FADS3: variants seen among roughly 807,000 people sequenced by gnomAD.
The protein encoded by FADS3 is fatty acid desaturase 3, also known as cytochrome b5-related protein.
In FADS3, 30 loss-of-function variants were observed where a neutral mutation model predicts 60.4. The ratio of observed to expected loss-of-function variants is 0.50; its 90% CI spans 0.37 to 0.67. The LOEUF (loss-of-function observed/expected upper bound fraction) is 0.67, where lower values mean the gene tolerates loss of function less well. Ranked by LOEUF, FADS3 falls within the 30% of genes least tolerant of loss-of-function variation. FADS3 has a pLI of 0.00. For synonymous variants in FADS3, 234 were observed against 249.3 expected (o/e 0.94, Z 0.58); for missense variants, 432 against 598.3 (o/e 0.72, Z 2.90).
At position 61,877,327 on chromosome 11, in the gene FADS3, C is replaced by T. The variant is rs996806528; in HGVS notation, c.885+184G>A. On this transcript the variant is annotated intron_variant, in intron 7 of 11. Transcript: ENST00000278829. This position sits in a 1 kb window ranked among gnomAD's most constrained non-coding sequence, Gnocchi z 4.7. ...CCCCCCCCCACCACACGTACAGTCA[C>T]GGGCACACTCGCTCTCCTGCTGCGC... 3.3e-5 allele frequency: 12 copies of T among 359,328 alleles called. No homozygotes were observed. Among genetic ancestry groups the T allele is most frequent in the African/African-American group, 1.1e-4 (5 of 44,438 alleles). The allele number at this position is 359,328 out of a possible 1,614,324, so 22.3% of individuals were successfully genotyped here. A position where few individuals can be genotyped will look rare whatever the true frequency, so the allele number is the denominator to read the frequency against.
chr11:61,874,641 G>A (rs1306670505), intron 11 of FADS3, among the ~76,000 whole-genome samples: 5 of 152,182 alleles, frequency 3.3e-5, no homozygotes, highest in African/African-American at 7.2e-5. Flanking sequence ...TGCCTGCCTC[G>A]GCTATCTATG....
chr11:61,885,448 C>T (rs1938282058), intron 1 of FADS3, among the ~76,000 whole-genome samples: 1 of 152,230 alleles, frequency 6.6e-6, no homozygotes, highest in Non-Finnish European at 1.5e-5. Context: ...GCAAGAGCTC[C>T]ACAGCCCAGC....
Position 61,876,196 on chromosome 11 carries a change from G to A in FADS3, c.1081-6C>T, listed in dbSNP as rs372397028. 5.5e-5 allele frequency: 88 copies of A among 1,593,040 alleles called. 1 individual carries two copies. The African/African-American group carries it at 7.4e-4, about 13-fold the overall frequency. ...ACGTTGCAGGTGGCTGCCAGCTGCC[G>A]GAAGCCGGCGGGGCACATGTGAGGA... On this transcript the variant is annotated splice_region_variant and splice_polypyrimidine_tract_variant and intron_variant, in intron 9 of 11. Coordinates refer to ENST00000278829, the MANE Select transcript of FADS3 (RefSeq NM_021727.5). The surrounding 1 kb of genome is among the most constrained non-coding windows in gnomAD (Gnocchi z 5.7).
Position 61,877,139 on chromosome 11 carries a change from T to C in FADS3, c.886-176A>G. On this transcript the variant is annotated intron_variant, in intron 7 of 11. Transcript: ENST00000278829. This position sits in a 1 kb window ranked among gnomAD's most constrained non-coding sequence, Gnocchi z 4.7. Reference sequence around the variant, plus strand: ...CAGCTGAGTAAAGGAACAGGGTCCTTGCCCTGCCAGCTCACGAGGCTGATT... The same window carrying C: ...CAGCTGAGTAAAGGAACAGGGTCCTCGCCCTGCCAGCTCACGAGGCTGATT... 3.5e-6 allele frequency: 2 copies of C among 567,616 alleles called. No individual in the cohort carries two copies. Among genetic ancestry groups the C allele is most frequent in the Non-Finnish European group, 6.3e-6 (2 of 318,648 alleles). 35.2% of individuals were successfully genotyped at this position (567,616 alleles called of 1,614,324 possible). A position where few individuals can be genotyped will look rare whatever the true frequency, so the allele number is the denominator to read the frequency against.
At chr11:61,875,821 C>A in intron 11 of FADS3, 30 bp downstream of exon 11, 1 of 1,605,606 alleles carries the variant, frequency 6.2e-7, no homozygotes, top group Non-Finnish European at 8.5e-7. Context: ...GGGAAGCCAC[C>A]AGAACAGAGG....
chr11:61,889,617 A>G (rs1591203807), intron 1 of FADS3, among the ~76,000 whole-genome samples: 1 of 152,258 alleles, frequency 6.6e-6, no homozygotes, highest in African/African-American at 2.4e-5. Flanking sequence ...ATTGCACTCC[A>G]GTCTGGGTGG....
chr11:61,884,070 G>C (rs931208977), intron 1 of FADS3, among the ~76,000 whole-genome samples: 1 of 152,200 alleles, frequency 6.6e-6, no homozygotes, highest in Non-Finnish European at 1.5e-5. Flanking sequence ...GAAGCAAACA[G>C]CCTTCTCTGG....
chr11:61,886,645 G>GC (rs1260925099), intron 1 of FADS3, among the ~76,000 whole-genome samples: 1 of 151,754 alleles, frequency 6.6e-6, no homozygotes, highest in Admixed American at 6.6e-5. Context: ...GAGTACAAAG[G>GC]CCCTACCCTT....
At chr11:61,875,355 T>C (rs549186884) in intron 11 of FADS3, among the ~76,000 whole-genome samples, 1 of 150,758 alleles carries the variant, frequency 6.6e-6, no homozygotes, top group Admixed American at 6.6e-5. Context: ...TATGGGCACC[T>C]GCCACCACAC....
chr11:61,875,373 A>AT (rs1565342251), intron 11 of FADS3, among the ~76,000 whole-genome samples: 23 of 89,986 alleles, frequency 2.6e-4, no homozygotes, highest in African/African-American at 9.7e-4. Context: ...CACCCAGCTA[A>AT]TTTTTGTTTT....
intron 11 of FADS3, 74 bp from the exon 12 acceptor site, chr11:61,873,939 C>A: frequency 1.0e-6 from 1 of 988,820 alleles, no homozygotes; most frequent in Non-Finnish European, 1.6e-6. Context: ...CTGTATCCCC[C>A]ATGGTAAGTG....
At chr11:61,878,670 GCCC>G in intron 4 of FADS3, 36 bp from the exon 5 acceptor site, 1 of 1,612,864 alleles carries the variant, frequency 6.2e-7, no homozygotes, top group Non-Finnish European at 8.5e-7. Flanking sequence ...GGCAGGCTGT[GCCC>G]CCGACTGTGC....
rs777160684 is a variant in FADS3, at chr11:61,876,501, G to T, written c.984-46C>A. 4 of 1,510,504 alleles carry T rather than the reference G, an allele frequency of 2.6e-6. No homozygotes were observed. In the African/African-American group the frequency reaches 4.1e-5, roughly 16 times the overall value. The allele number at this position is 1,510,504 out of a possible 1,614,324, so 93.6% of individuals were successfully genotyped here. On this transcript the variant is annotated intron_variant, in intron 8 of 11. Transcript: ENST00000278829. This position sits in a 1 kb window ranked among gnomAD's most constrained non-coding sequence, Gnocchi z 5.7. ...TGCCCTAGGTCCAGCTCACCACTTA[G>T]GCACCCTGAGTGGAGGCTGGAGAGC...
chr11:61,885,569 C>T (rs919393096), intron 1 of FADS3, among the ~76,000 whole-genome samples: 1 of 152,218 alleles, frequency 6.6e-6, no homozygotes, highest in African/African-American at 2.4e-5. Flanking sequence ...GAAGCTGCTT[C>T]TCTGCCTGCC....
In FADS3 at chr11:61,891,288, C is replaced by A. The variant is rs750476082; in HGVS notation, c.94G>T (p.Asp32Tyr). ...ACCAGCCACTTGTCGCCGGGCTGGT[C>A]GTGCGCGCGGATCTGCTCCCAGCAG... Reference protein sequence around the residue: ...TFCWEQIRAHDQPGDKWLVIE... With the variant: ...TFCWEQIRAHYQPGDKWLVIE... Residue 32 changes from aspartate to tyrosine, a missense_variant, in exon 1 of 12, where the codon GAC becomes TAC. By Grantham distance (160) the Asp-to-Tyr change is radical (BLOSUM62 -3). This residue lies in a region of FADS3 where 167 missense variants were observed against 188.8 expected (regional missense o/e 0.88). Coordinates refer to ENST00000278829, the MANE Select transcript of FADS3 (RefSeq NM_021727.5). 2.0e-6 allele frequency: 3 copies of A among 1,536,066 alleles called. No individual in the cohort carries two copies. Among genetic ancestry groups the A allele is most frequent in the Non-Finnish European group, 1.7e-6 (2 of 1,145,810 alleles).
In FADS3 at chr11:61,877,640, A is replaced by T; in HGVS notation, c.809-53T>A. On this transcript the variant is annotated intron_variant, in intron 6 of 11. Transcript: ENST00000278829. This position sits in a 1 kb window ranked among gnomAD's most constrained non-coding sequence, Gnocchi z 4.7. ...GGAGTGGGGCTGGGCTGCCAAGGTG[A>T]GTGGGCGCCAGAGTGAGGGGCTCTG... is the stretch of plus-strand genomic sequence containing the variant. 1.3e-6 allele frequency: 2 copies of T among 1,529,728 alleles called. No homozygotes were observed. Among genetic ancestry groups the T allele is most frequent in the Non-Finnish European group, 1.8e-6 (2 of 1,112,378 alleles). 94.8% of individuals were successfully genotyped at this position (1,529,728 alleles called of 1,614,324 possible).
At chr11:61,874,077 G>A (rs1937780139) in intron 11 of FADS3, among the ~76,000 whole-genome samples, 1 of 152,224 alleles carries the variant, frequency 6.6e-6, no homozygotes, top group Non-Finnish European at 1.5e-5. Flanking sequence ...GGGGTGACGG[G>A]TGTCGGGTAG....
At chr11:61,888,766 C>T (rs1358615148) in intron 1 of FADS3, among the ~76,000 whole-genome samples, 2 of 114,430 alleles carry the variant, frequency 1.7e-5, no homozygotes, top group Admixed American at 1.6e-4. Flanking sequence ...AGCCAGCTCA[C>T]TGTCTGCCCC....
In FADS3 at chr11:61,877,488, G is replaced by C; in HGVS notation, c.885+23C>G. On this transcript the variant is annotated intron_variant, in intron 7 of 11. Transcript: ENST00000278829. This position sits in a 1 kb window ranked among gnomAD's most constrained non-coding sequence, Gnocchi z 4.7. Reference sequence around the variant, plus strand: ...TCCTGCCACGGCAGCCGTATGCCCGGGGTCCTGGGCAACCCCACTCACCGC... The same window carrying C: ...TCCTGCCACGGCAGCCGTATGCCCGCGGTCCTGGGCAACCCCACTCACCGC... 6.2e-7 allele frequency: 1 copy of C among 1,610,292 alleles called. No individual in the cohort carries two copies. Among genetic ancestry groups the C allele is most frequent in the Non-Finnish European group, 8.5e-7 (1 of 1,179,006 alleles).
Sources: gnomAD v4.1 joint callset for allele counts (sites outside exome capture counted in the v4.1 genomes callset) on GRCh38, gnomAD v4.1.1 for gene constraint, gnomAD v4.1.1 regional missense constraint, Gnocchi (gnomAD v3.1) non-coding constraint, MANE v1.5 for transcripts, NCBI Gene and HGNC (gene_info 2026-07-23, HGNC 2026-07-21) for gene names.